Variants in KCNQ1 observed in about 807,000 individuals in gnomAD.
The protein encoded by KCNQ1 is potassium voltage-gated channel subfamily KQT member 1.
In KCNQ1, 49 loss-of-function variants were observed where a neutral mutation model predicts 72.4. That is an observed-to-expected ratio of 0.68 (90% confidence interval 0.54 to 0.86). The LOEUF is 0.86. Ranked by LOEUF, KCNQ1 falls within the 40% of genes least tolerant of loss-of-function variation. The pLI is 0.00. For missense variants in KCNQ1, 790 were observed against 945.1 expected (o/e 0.84, Z 2.15); for synonymous variants, 450 against 412.6 (o/e 1.09, Z -1.10).
chr11:2,844,578 T>C (rs1277727938), intron 15 of KCNQ1, among the ~76,000 whole-genome samples: 2 of 152,164 alleles, frequency 1.3e-5, no homozygotes, highest in Non-Finnish European at 2.9e-5. Flanking sequence ...TGAGTGCCTC[T>C]CTACACGGTG....
rs556923038 is a variant in KCNQ1 at position 2,759,639 on chromosome 11, G to A, written c.1515-9205G>A. ...ATTTTCTTTCCATCTCCACTCCCAG[G>A]CAAAGCTGATAAATTCTTCCTTATT... On this transcript the variant is annotated intron_variant, in intron 11 of 15. Coordinates refer to ENST00000155840, the MANE Select transcript of KCNQ1 (RefSeq NM_000218.3). The surrounding 1 kb of genome is among the most constrained non-coding windows in gnomAD (Gnocchi z 4.4). Among the ~76,000 whole-genome samples, 17 of 152,316 alleles carry A rather than the reference G, an allele frequency of 1.1e-4. No homozygotes were observed. Among genetic ancestry groups the A allele is most frequent in the African/African-American group, 4.1e-4 (17 of 41,560 alleles).
rs1179958674 is a variant in KCNQ1 at position 2,562,806 on chromosome 11, C to T, written c.478-7822C>T. On this transcript the variant is annotated intron_variant, in intron 2 of 15. Coordinates refer to ENST00000155840, the MANE Select transcript of KCNQ1 (RefSeq NM_000218.3). The surrounding 1 kb of genome is among the most constrained non-coding windows in gnomAD (Gnocchi z 7.5). ...GCCGGCTGTGTTTCTGCATCCTTGA[C>T]CCTGGCCCCTTCCACAAAGCTCAGC... Among the ~76,000 whole-genome samples, 1 of 152,188 alleles carries T rather than the reference C, an allele frequency of 6.6e-6. No individual in the cohort carries two copies. The highest frequency in any genetic ancestry group is 1.5e-5 in the Non-Finnish European group (1 of 68,034).
intron 7 of KCNQ1, among the ~76,000 whole-genome samples, chr11:2,584,282 G>A (rs1213996688): frequency 1.3e-5 from 2 of 151,284 alleles, no homozygotes; most frequent in East Asian, 3.9e-4. Flanking sequence ...GCGTATATGT[G>A]TGTGCACATG....
Position 2,564,250 on chromosome 11 carries a change from C to G in KCNQ1, c.478-6378C>G, listed in dbSNP as rs370657884. On this transcript the variant is annotated intron_variant, in intron 2 of 15. Coordinates refer to ENST00000155840, the MANE Select transcript of KCNQ1 (RefSeq NM_000218.3). This position sits in a 1 kb window ranked among gnomAD's most constrained non-coding sequence, Gnocchi z 4.5. ...CATCACCTCAAAAGGAAAACCATCC[C>G]CATTGCCCTTCTCCTAGTTCCTGAC... Among the ~76,000 whole-genome samples, 1 of 152,206 alleles carries G rather than the reference C, an allele frequency of 6.6e-6. No homozygotes were observed. Among genetic ancestry groups the G allele is most frequent in the Admixed American group, 6.5e-5 (1 of 15,288 alleles).
At chr11:2,542,128 A>C (rs1019140975) in intron 2 of KCNQ1, among the ~76,000 whole-genome samples, 2 of 152,248 alleles carry the variant, frequency 1.3e-5, no homozygotes, top group African/African-American at 4.8e-5. Flanking sequence ...GTGGGTCCAC[A>C]CACGTCACCA....
rs1850438891 is a variant in KCNQ1, at chr11:2,683,775, G to A, written c.1514+21694G>A. On this transcript the variant is annotated intron_variant, in intron 11 of 15. Coordinates refer to ENST00000155840, the MANE Select transcript of KCNQ1 (RefSeq NM_000218.3). This position sits in a 1 kb window ranked among gnomAD's most constrained non-coding sequence, Gnocchi z 4.7. ...CCAGATGACATGGGCCTCTAAGGCT[G>A]GCTGCTCTTACTCTATACCCCAAAA... 1 of 398,462 alleles carries A rather than the reference G, an allele frequency of 2.5e-6. No individual in the cohort carries two copies. 24.7% of individuals were successfully genotyped at this position (398,462 alleles called of 1,614,324 possible). A position where few individuals can be genotyped will look rare whatever the true frequency, so the allele number is the denominator to read the frequency against.
In KCNQ1 at chr11:2,537,854, T is replaced by G. The variant is rs1847759758; in HGVS notation, c.477+9836T>G. Among the ~76,000 whole-genome samples the G allele has an allele frequency of 6.6e-6, 1 of 152,180 alleles. No homozygotes were observed. The highest frequency in any genetic ancestry group is 6.5e-5 in the Admixed American group (1 of 15,282). On this transcript the variant is annotated intron_variant, in intron 2 of 15. Coordinates refer to ENST00000155840, the MANE Select transcript of KCNQ1 (RefSeq NM_000218.3). The surrounding 1 kb of genome is among the most constrained non-coding windows in gnomAD (Gnocchi z 5.2). ...CTTCAGCCTCCTGAGCAGCTGGGAC[T>G]GTGGGTGCGTGCCACCATGCCCCGC...
intron 15 of KCNQ1, among the ~76,000 whole-genome samples, chr11:2,811,001 C>A (rs1229564371): frequency 6.6e-6 from 1 of 152,232 alleles, no homozygotes; most frequent in Non-Finnish European, 1.5e-5. Flanking sequence ...CTCCCGCCTT[C>A]CCAGCATGGC....
intron 15 of KCNQ1, among the ~76,000 whole-genome samples, chr11:2,778,944 C>T (rs193133271): frequency 4.6e-5 from 7 of 152,222 alleles, no homozygotes; most frequent in Admixed American, 3.9e-4. Context: ...GGACCTGCAG[C>T]GTCACCCTCT....
chr11:2,626,967 T>C lies in KCNQ1; in HGVS notation c.1394-34994T>C, dbSNP rs1849271669. ...TTCTTCTTTCTGCAAATAACATCAT[T>C]AGGATTTTTATTGGGATTACCTTGG... On this transcript the variant is annotated intron_variant, in intron 10 of 15. Transcript: ENST00000155840. This position sits in a 1 kb window ranked among gnomAD's most constrained non-coding sequence, Gnocchi z 4.0. 1 of 398,494 alleles carries C rather than the reference T, an allele frequency of 2.5e-6. No homozygotes were observed. Among genetic ancestry groups the C allele is most frequent in the South Asian group, 1.3e-4 (1 of 7,860 alleles). The allele number at this position is 398,494 out of a possible 1,614,324, so 24.7% of individuals were successfully genotyped here.
At chr11:2,709,236 C>T (rs965316138) in intron 11 of KCNQ1, among the ~76,000 whole-genome samples, 9 of 146,036 alleles carry the variant, frequency 6.2e-5, no homozygotes, top group African/African-American at 2.3e-4. Flanking sequence ...CCCACCCCCA[C>T]CCCCCAGCCC....
intron 1 of KCNQ1, among the ~76,000 whole-genome samples, chr11:2,519,872 G>A (rs1283481378): frequency 6.6e-6 from 1 of 152,116 alleles, no homozygotes; most frequent in African/African-American, 2.4e-5. Flanking sequence ...CCCGAGAGGC[G>A]TGATTGCATT....
In KCNQ1 at chr11:2,679,304, A is replaced by G; in HGVS notation, c.1514+17223A>G. 2.5e-6 allele frequency: 1 copy of G among 398,642 alleles called. No homozygotes were observed. Among genetic ancestry groups the G allele is most frequent in the Non-Finnish European group, 4.4e-6 (1 of 226,074 alleles). The allele number at this position is 398,642 out of a possible 1,614,324, so 24.7% of individuals were successfully genotyped here. A position where few individuals can be genotyped will look rare whatever the true frequency, so the allele number is the denominator to read the frequency against. ...ATAGCCAAAGACAGGGGCTAATAAC[A>G]GGGTCTGGAGTCTGAACTCATATCC... On this transcript the variant is annotated intron_variant, in intron 11 of 15. Transcript: ENST00000155840. This position sits in a 1 kb window ranked among gnomAD's most constrained non-coding sequence, Gnocchi z 4.8.
rs1016510661 is a variant in KCNQ1, at chr11:2,657,418, C to G, written c.1394-4543C>G. 2.0e-5 allele frequency: 8 copies of G among 398,438 alleles called. No individual in the cohort carries two copies. The highest frequency in any genetic ancestry group is 1.6e-4 in the African/African-American group (8 of 48,634). The allele number at this position is 398,438 out of a possible 1,614,324, so 24.7% of individuals were successfully genotyped here. Reference sequence around the variant, plus strand: ...TTTACAATTTTCTCCAGAGTTCTTGCATATACTTAGTTAGATAATTAATAT... The same window carrying G: ...TTTACAATTTTCTCCAGAGTTCTTGGATATACTTAGTTAGATAATTAATAT... On this transcript the variant is annotated intron_variant, in intron 10 of 15. Coordinates refer to ENST00000155840, the MANE Select transcript of KCNQ1 (RefSeq NM_000218.3). The surrounding 1 kb of genome is among the most constrained non-coding windows in gnomAD (Gnocchi z 4.8).
rs58335309 is a variant in KCNQ1, at chr11:2,666,081, A to G, written c.1514+4000A>G. Reference sequence around the variant, plus strand: ...GACAGGCCCATAAGCCCTGCAGCCTATGGCTCTGCCCAGCCCAGTCATGTG... The same window carrying G: ...GACAGGCCCATAAGCCCTGCAGCCTGTGGCTCTGCCCAGCCCAGTCATGTG... On this transcript the variant is annotated intron_variant, in intron 11 of 15. Coordinates refer to ENST00000155840, the MANE Select transcript of KCNQ1 (RefSeq NM_000218.3). 6.4e-3 allele frequency: 2,546 copies of G among 398,614 alleles called. 52 individuals are homozygous for G. The highest frequency in any genetic ancestry group is 0.048 in the African/African-American group (2,348 of 48,702). 24.7% of individuals were successfully genotyped at this position (398,614 alleles called of 1,614,324 possible). A position where few individuals can be genotyped will look rare whatever the true frequency, so the allele number is the denominator to read the frequency against.
In KCNQ1 at chr11:2,593,529, C is replaced by T. The variant is rs912221470; in HGVS notation, c.1393+4675C>T. 6.6e-6 allele frequency among the ~76,000 whole-genome samples: 1 copy of T among 152,194 alleles called. No individual in the cohort carries two copies. The highest frequency in any genetic ancestry group is 1.5e-5 in the Non-Finnish European group (1 of 68,042). On this transcript the variant is annotated intron_variant, in intron 10 of 15. Transcript: ENST00000155840. The surrounding 1 kb of genome is among the most constrained non-coding windows in gnomAD (Gnocchi z 6.9). ...AAAGCTGTGCCTGTGTGTGTCACCA[C>T]GTGTTTGCCAGGTGACCTGGGACTA...
chr11:2,516,673 A>G lies in KCNQ1; in HGVS notation c.387-11255A>G, dbSNP rs16928374. On this transcript the variant is annotated intron_variant, in intron 1 of 15. Coordinates refer to ENST00000155840, the MANE Select transcript of KCNQ1 (RefSeq NM_000218.3). The surrounding 1 kb of genome is among the most constrained non-coding windows in gnomAD (Gnocchi z 7.0). ...GTTCTCAGCAGGACTCTTTGCCGGG[A>G]TCCTCATGCTACGGCCACCACCTGA... is the stretch of plus-strand genomic sequence containing the variant. Among the ~76,000 whole-genome samples the G allele has an allele frequency of 0.022, 3,421 of 152,102 alleles. 108 individuals carry two copies. Among genetic ancestry groups the G allele is most frequent in the African/African-American group, 0.071 (2,937 of 41,468 alleles).
rs936380278 is a variant in KCNQ1 at position 2,642,666 on chromosome 11, G to T, written c.1394-19295G>T. 3 of 397,490 alleles carry T rather than the reference G, an allele frequency of 7.5e-6. No homozygotes were observed. Among genetic ancestry groups the T allele is most frequent in the Non-Finnish European group, 1.3e-5 (3 of 225,620 alleles). The allele number at this position is 397,490 out of a possible 1,614,324, so 24.6% of individuals were successfully genotyped here. A position where few individuals can be genotyped will look rare whatever the true frequency, so the allele number is the denominator to read the frequency against. ...TTTATTTAGTTTCTTGTTTAGTTCTGCTCTGATCTTCGTTATTTCTTTCCT... is the reference window on the plus strand; with the variant it reads ...TTTATTTAGTTTCTTGTTTAGTTCTTCTCTGATCTTCGTTATTTCTTTCCT... On this transcript the variant is annotated intron_variant, in intron 10 of 15. Transcript: ENST00000155840. This position sits in a 1 kb window ranked among gnomAD's most constrained non-coding sequence, Gnocchi z 4.3.
chr11:2,671,432 C>T lies in KCNQ1; in HGVS notation c.1514+9351C>T, dbSNP rs1590021821. On this transcript the variant is annotated intron_variant, in intron 11 of 15. Transcript: ENST00000155840. The surrounding 1 kb of genome is among the most constrained non-coding windows in gnomAD (Gnocchi z 4.7). ...CTGGATGTGCACCCAGAGATTCTCC[C>T]ACTTTAGCAGGCAGAAGAGCAACCC... is the stretch of plus-strand genomic sequence containing the variant. The T allele has an allele frequency of 5.0e-6, 2 of 398,616 alleles. No homozygotes were observed. The highest frequency in any genetic ancestry group is 8.8e-6 in the Non-Finnish European group (2 of 226,068). The allele number at this position is 398,616 out of a possible 1,614,324, so 24.7% of individuals were successfully genotyped here.
Sources: gnomAD v4.1 joint callset for allele counts (sites outside exome capture counted in the v4.1 genomes callset) on GRCh38, gnomAD v4.1.1 for gene constraint, Gnocchi (gnomAD v3.1) non-coding constraint, MANE v1.5 for transcripts, NCBI Gene and HGNC (gene_info 2026-07-23, HGNC 2026-07-21) for gene names.